The following TMPRSS7 variants were observed in gnomAD, a reference collection of about 807,000 sequenced individuals.
The protein encoded by TMPRSS7 is transmembrane protease serine 7.
A neutral mutation model predicts 95.6 loss-of-function variants in TMPRSS7; 81 were observed. The observed-to-expected ratio is 0.85, with a 90% CI of 0.71 to 1.02. TMPRSS7 has a LOEUF of 1.02. TMPRSS7 is among the 50% of genes least tolerant of loss of function. The probability of loss-of-function intolerance (pLI) is 0.00; values close to 1 mark genes in which losing one functional copy is unlikely to be tolerated. For synonymous variants in TMPRSS7, 364 were observed against 337.8 expected, an observed-to-expected ratio of 1.08 and a Z score of -0.85; for missense variants, 945 against 955.2, an observed-to-expected ratio of 0.99 and a Z score of 0.14.
At chr3:112,044,225 ACTT>A (rs2073248157) in intron 3 of TMPRSS7, 27 bp from the exon 4 acceptor site, 1 of 1,473,034 alleles carries the variant, frequency 6.8e-7, no homozygotes, top group Non-Finnish European at 9.3e-7. Context: ...AGTATGAAAT[ACTT>A]CAGATACCTC....
chr3:112,037,473 A>G (rs1020459967), intron 1 of TMPRSS7, among the ~76,000 whole-genome samples: 5 of 152,216 alleles, frequency 3.3e-5, no homozygotes, highest in African/African-American at 1.2e-4. Context: ...GATGTTTATC[A>G]ATGACAATGT....
chr3:112,077,195 G>C, intron 16 of TMPRSS7, 51 bp downstream of exon 16: 1 of 1,587,636 alleles, frequency 6.3e-7, no homozygotes, highest in Non-Finnish European at 8.6e-7. Flanking sequence ...GGATGATAAG[G>C]TGTTTATGTA....
At chr3:112,077,274 G>A (rs2073723638) in intron 16 of TMPRSS7, 130 bp downstream of exon 16, 2 of 1,034,280 alleles carry the variant, frequency 1.9e-6, no homozygotes, top group Admixed American at 5.5e-5. Flanking sequence ...ACTCTGGAAG[G>A]TTGGATTGGA....
intron 9 of TMPRSS7, among the ~76,000 whole-genome samples, chr3:112,052,108 T>C (rs930090755): frequency 1.3e-5 from 2 of 151,582 alleles, no homozygotes; most frequent in Non-Finnish European, 2.9e-5. Context: ...CTCGTAATGA[T>C]AAAATGCTAT....
At position 112,050,658 on chromosome 3, in the gene TMPRSS7, G is replaced by C; in HGVS notation, c.1091-13G>C. On this transcript the variant is annotated splice_polypyrimidine_tract_variant and intron_variant, in intron 8 of 17. Coordinates refer to ENST00000452346, the Ensembl canonical transcript of TMPRSS7. ...GCTGCAAATCATTGTGTGTCACTGG[G>C]TATCTTTTCCAGAGTGTGAAAACAC... is the stretch of plus-strand genomic sequence containing the variant. 1 of 1,504,062 alleles carries C rather than the reference G, an allele frequency of 6.6e-7. No individual in the cohort carries two copies. The highest frequency in any genetic ancestry group is 1.3e-5 in the South Asian group (1 of 79,284). 93.2% of individuals were successfully genotyped at this position (1,504,062 alleles called of 1,614,324 possible).
At chr3:112,076,058 C>T (rs890602094) in intron 15 of TMPRSS7, among the ~76,000 whole-genome samples, 1 of 152,148 alleles carries the variant, frequency 6.6e-6, no homozygotes, top group Non-Finnish European at 1.5e-5. Flanking sequence ...GATAGCTTCA[C>T]ATCTGTTTGA....
Position 112,051,645 on chromosome 3 carries a change from TATCTATCTATCTATCTATCTATC to T in TMPRSS7, c.1203+886_1203+908del, listed in dbSNP as rs1381685558. On this transcript the variant is annotated intron_variant, in intron 9 of 17. Transcript: ENST00000452346. Reference sequence around the variant, plus strand: ...TCTATCATCTATCTATCTATCTATCTATCTATCTATCTATCTATCTATCATCTATCTATCTATCTATCTATCTA... The same window carrying T: ...TCTATCATCTATCTATCTATCTATCTATCTATCTATCTATCTATCTATCTA... 2.1e-3 allele frequency among the ~76,000 whole-genome samples: 184 copies of T among 88,632 alleles called. 1 individual carries two copies. The highest frequency in any genetic ancestry group is 6.8e-3 in the African/African-American group (180 of 26,480). 58.1% of individuals were successfully genotyped at this position (88,632 alleles called of 152,430 possible).
intron 15 of TMPRSS7, among the ~76,000 whole-genome samples, chr3:112,075,704 CT>C (rs1441447913): frequency 6.6e-6 from 1 of 152,086 alleles, no homozygotes; most frequent in African/African-American, 2.4e-5. Flanking sequence ...AATGAATAGG[CT>C]TTTACTAAGG....
At chr3:112,039,824 C>G (rs2073187746) in intron 2 of TMPRSS7, 1 of 152,206 alleles carries the variant, frequency 6.6e-6, no homozygotes, top group Non-Finnish European at 1.5e-5. Context: ...ATGAGAACAG[C>G]CAATTTGTAG....
At chr3:112,045,869 C>T (rs1295333916) in exon 5 of TMPRSS7, 1 of 1,551,890 alleles carries the variant, frequency 6.4e-7, no homozygotes, top group Non-Finnish European at 8.7e-7. Context: ...TCCATCCAGA[C>T]AAGCATCATA....
intron 3 of TMPRSS7, 129 bp from the exon 4 acceptor site, chr3:112,044,126 T>C (rs1273975736): frequency 3.2e-6 from 2 of 631,804 alleles, no homozygotes; most frequent in Non-Finnish European, 5.7e-6. Context: ...GGTGTGGAGT[T>C]AGGAGCCTTT....
At chr3:112,072,406 G>T (rs1210253194) in intron 13 of TMPRSS7, among the ~76,000 whole-genome samples, 1 of 152,222 alleles carries the variant, frequency 6.6e-6, no homozygotes, top group East Asian at 1.9e-4. Context: ...GTGTCTCCCA[G>T]TTAGGCTACA....
chr3:112,044,421 C>A, intron 4 of TMPRSS7, 99 bp downstream of exon 4: 1 of 997,842 alleles, frequency 1.0e-6, no homozygotes, highest in African/African-American at 1.6e-5. Context: ...CAAGTAACTT[C>A]TTGGAAGTGG....
exon 8 of TMPRSS7, chr3:112,049,902 G>A (rs774765903): frequency 6.4e-7 from 1 of 1,559,112 alleles, no homozygotes; most frequent in South Asian, 1.2e-5. Context: ...TCTCATGTTG[G>A]TGACATTTAA....
intron 1 of TMPRSS7, among the ~76,000 whole-genome samples, 199 bp from the exon 2 acceptor site, chr3:112,037,873 T>C (rs1330390293): frequency 6.6e-6 from 1 of 152,162 alleles, no homozygotes; most frequent in African/African-American, 2.4e-5. Flanking sequence ...TAATGTCTAG[T>C]TTATCTGATC....
chr3:112,077,107 G>A (rs1475858690), exon 16 of TMPRSS7: 2 of 1,614,082 alleles, frequency 1.2e-6, no homozygotes, highest in Admixed American at 3.3e-5. Context: ...GTGGGGAGAA[G>A]TGCTGGGTAA....
chr3:112,063,837 C>T (rs1284731341), intron 12 of TMPRSS7, among the ~76,000 whole-genome samples: 4 of 152,168 alleles, frequency 2.6e-5, no homozygotes, highest in Non-Finnish European at 4.4e-5. Context: ...CTAGGCTGGG[C>T]TCATATGGGT....
intron 13 of TMPRSS7, among the ~76,000 whole-genome samples, chr3:112,067,039 C>A (rs982620786): frequency 6.6e-6 from 1 of 152,090 alleles, no homozygotes; most frequent in Non-Finnish European, 1.5e-5. Flanking sequence ...TCCAAGTGTT[C>A]TCATTGTTCA....
intron 3 of TMPRSS7, chr3:112,042,844 G>A (rs957958508): frequency 1.2e-5 from 4 of 338,888 alleles, no homozygotes; most frequent in African/African-American, 8.6e-5. Flanking sequence ...TAATTACTTG[G>A]ACAAATAGAA....
Sources: gnomAD v4.1 joint callset for allele counts (sites outside exome capture counted in the v4.1 genomes callset) on GRCh38, gnomAD v4.1.1 for gene constraint, MANE v1.5 for transcripts, NCBI Gene and HGNC (gene_info 2026-07-23, HGNC 2026-07-21) for gene names.